Variants in PIP4K2A observed in about 807,000 individuals in gnomAD.
PIP4K2A encodes the protein phosphatidylinositol 5-phosphate 4-kinase type-2 alpha.
In PIP4K2A, 14 loss-of-function variants were observed where a neutral mutation model predicts 42.9. That is an observed-to-expected ratio of 0.33 (90% CI 0.22 to 0.51). PIP4K2A has a LOEUF of 0.51. Ranked by LOEUF, PIP4K2A falls within the 20% of genes least tolerant of loss-of-function variation. PIP4K2A has a pLI of 0.97. For missense variants in PIP4K2A, 434 were observed against 519.8 expected (o/e 0.83, Z 1.61); for synonymous variants, 192 against 192.2 (o/e 1.00, Z 0.01).
At chr10:22,625,930 A>G (rs904171560) in intron 1 of PIP4K2A, among the ~76,000 whole-genome samples, 1 of 152,226 alleles carries the variant, frequency 6.6e-6, no homozygotes, top group African/African-American at 2.4e-5. Flanking sequence ...TTGGGTCACA[A>G]GAAGAAAAGG....
chr10:22,666,998 A>G (rs1486258904), intron 1 of PIP4K2A, among the ~76,000 whole-genome samples: 1 of 152,238 alleles, frequency 6.6e-6, no homozygotes, highest in South Asian at 2.1e-4. Context: ...TTTCCAATTA[A>G]TATTAATAAC....
In PIP4K2A at chr10:22,549,640, G is replaced by C. The variant is rs547523097; in HGVS notation, c.792+1019C>G. 7.9e-5 allele frequency among the ~76,000 whole-genome samples: 12 copies of C among 151,838 alleles called. No individual in the cohort carries two copies. In the East Asian group the frequency reaches 2.3e-3, roughly 29 times the overall value. ...GTGGATCACGAGGTCAGGAGATCAA[G>C]ATCATCCTGGCTAACACGGTGAAAC... On this transcript the variant is annotated intron_variant, in intron 7 of 9. Coordinates refer to ENST00000376573, the MANE Select transcript of PIP4K2A (RefSeq NM_005028.5).
intron 9 of PIP4K2A, 123 bp downstream of exon 9, chr10:22,539,848 G>A: frequency 1.4e-6 from 1 of 730,402 alleles, no homozygotes; most frequent in East Asian, 2.5e-5. Context: ...GTGGCAGAAA[G>A]GAGTGATCCC....
intron 1 of PIP4K2A, among the ~76,000 whole-genome samples, chr10:22,626,160 A>T (rs1486069391): frequency 2.0e-5 from 3 of 152,172 alleles, no homozygotes; most frequent in Non-Finnish European, 4.4e-5. Flanking sequence ...TCGGAATATA[A>T]ATCAGATGAC....
intron 4 of PIP4K2A, among the ~76,000 whole-genome samples, chr10:22,582,919 A>C (rs959650847): frequency 6.7e-6 from 1 of 149,776 alleles, no homozygotes; most frequent in African/African-American, 2.4e-5. Flanking sequence ...AAAAGTAAGG[A>C]TGACTACATT....
At chr10:22,616,912 T>A (rs1010115517) in intron 1 of PIP4K2A, among the ~76,000 whole-genome samples, 1 of 152,264 alleles carries the variant, frequency 6.6e-6, no homozygotes, top group Admixed American at 6.5e-5. Flanking sequence ...TAAATCTTAA[T>A]GAATCATACA....
At chr10:22,539,749 G>A (rs1836042090) in intron 9 of PIP4K2A, 1 of 538,754 alleles carries the variant, frequency 1.9e-6, no homozygotes, top group Non-Finnish European at 3.3e-6. Context: ...AGCGTTTGTG[G>A]GTTCTGTATC....
At chr10:22,683,460 G>A (rs2130884230) in intron 1 of PIP4K2A, among the ~76,000 whole-genome samples, 1 of 152,284 alleles carries the variant, frequency 6.6e-6, no homozygotes, top group East Asian at 1.9e-4. Flanking sequence ...ACTTAGCCGA[G>A]TCACTTACTC....
At chr10:22,546,696 C>A (rs751418249) in intron 7 of PIP4K2A, among the ~76,000 whole-genome samples, 1 of 152,150 alleles carries the variant, frequency 6.6e-6, no homozygotes, top group African/African-American at 2.4e-5. Context: ...CAGGCATGAG[C>A]CACCACAACA....
At chr10:22,570,351 A>G (rs1049061892) in intron 5 of PIP4K2A, among the ~76,000 whole-genome samples, 16 of 152,280 alleles carry the variant, frequency 1.1e-4, no homozygotes, top group Non-Finnish European at 2.4e-4. Flanking sequence ...ATGTGACTTT[A>G]GAGGTCACTC....
At chr10:22,575,277 C>A (rs774289551) in intron 4 of PIP4K2A, among the ~76,000 whole-genome samples, 1 of 152,180 alleles carries the variant, frequency 6.6e-6, no homozygotes, top group East Asian at 1.9e-4. Flanking sequence ...CAGACATGTA[C>A]TGAGTGGGGT....
intron 6 of PIP4K2A, among the ~76,000 whole-genome samples, chr10:22,560,586 C>T (rs1051445117): frequency 5.9e-5 from 9 of 152,180 alleles, no homozygotes; most frequent in Non-Finnish European, 7.3e-5. Context: ...ATCGACAAGG[C>T]GGCTTTTTGT....
At chr10:22,677,233 G>A (rs1283294685) in intron 1 of PIP4K2A, among the ~76,000 whole-genome samples, 6 of 152,058 alleles carry the variant, frequency 3.9e-5, no homozygotes, top group Admixed American at 2.6e-4. Flanking sequence ...GGTGCACTCC[G>A]GGCACCGATT....
At chr10:22,710,086 T>C (rs1833888022) in intron 1 of PIP4K2A, among the ~76,000 whole-genome samples, 1 of 149,286 alleles carries the variant, frequency 6.7e-6, no homozygotes, top group African/African-American at 2.5e-5. Flanking sequence ...AAAAAAATTA[T>C]GATGTATCCA....
chr10:22,696,640 C>G (rs913386329), intron 1 of PIP4K2A, among the ~76,000 whole-genome samples: 4 of 152,096 alleles, frequency 2.6e-5, no homozygotes, highest in African/African-American at 9.6e-5. Context: ...TTTTAAAGTT[C>G]TTATTTTGAA....
chr10:22,597,461 C>G (rs1208141406), intron 3 of PIP4K2A, among the ~76,000 whole-genome samples: 2 of 152,138 alleles, frequency 1.3e-5, no homozygotes, highest in African/African-American at 4.8e-5. Context: ...GTCGGAGGTT[C>G]TTGTTTTCCT....
At chr10:22,612,512 A>G (rs1838072430) in intron 1 of PIP4K2A, among the ~76,000 whole-genome samples, 1 of 152,184 alleles carries the variant, frequency 6.6e-6, no homozygotes, top group Non-Finnish European at 1.5e-5. Flanking sequence ...CGTGGCATGA[A>G]AGGGATGAAC....
chr10:22,562,826 C>T (rs1836745131), intron 6 of PIP4K2A, among the ~76,000 whole-genome samples: 2 of 152,142 alleles, frequency 1.3e-5, no homozygotes, highest in South Asian at 4.1e-4. Context: ...CTAAGACACC[C>T]TGTGCACCCT....
intron 9 of PIP4K2A, chr10:22,539,431 C>CAA (rs1564410664): frequency 8.5e-5 from 13 of 153,606 alleles, no homozygotes; most frequent in African/African-American, 3.1e-4. Context: ...ATTTTGCACT[C>CAA]AAGAGATTTC....
Sources: allele counts gnomAD v4.1 joint callset (sites outside exome capture counted in the v4.1 genomes callset), GRCh38; gene constraint gnomAD v4.1.1; transcripts MANE v1.5; gene names NCBI Gene and HGNC (gene_info 2026-07-23, HGNC 2026-07-21).